The following NRG3 variants were observed in gnomAD, a reference collection of about 807,000 sequenced individuals.
NRG3 encodes the protein pro-neuregulin-3, membrane-bound isoform.
A neutral mutation model predicts 66.9 loss-of-function variants in NRG3; 31 were observed. The observed-to-expected ratio is 0.46, with a 90% CI of 0.35 to 0.63. NRG3 has a LOEUF of 0.63. Among genes scored for constraint, NRG3 ranks in the 20% least tolerant of loss-of-function variants. The pLI is 0.00. For synonymous variants in NRG3, 393 were observed against 359.4 expected, an observed-to-expected ratio of 1.09 and a Z score of -1.06; for missense variants, 910 against 878.9, an observed-to-expected ratio of 1.04 and a Z score of -0.45.
intron 3 of NRG3, among the ~76,000 whole-genome samples, chr10:82,831,124 G>C (rs1056897788): frequency 6.6e-6 from 1 of 152,120 alleles, no homozygotes; most frequent in African/African-American, 2.4e-5. Flanking sequence ...TCTAAGACTT[G>C]AGCTTAATTA....
intron 3 of NRG3, among the ~76,000 whole-genome samples, chr10:82,842,828 C>T (rs145632576): frequency 1.3e-5 from 2 of 152,328 alleles, no homozygotes; most frequent in African/African-American, 2.4e-5. Context: ...TCAAGTGATC[C>T]TCCTGCCTCA....
At chr10:82,670,664 A>C (rs1411760172) in intron 2 of NRG3, among the ~76,000 whole-genome samples, 1 of 152,178 alleles carries the variant, frequency 6.6e-6, no homozygotes, top group African/African-American at 2.4e-5. Flanking sequence ...CAGGACTCAC[A>C]AAACAGGTAT....
intron 5 of NRG3, among the ~76,000 whole-genome samples, chr10:82,952,942 A>T (rs1204948540): frequency 6.6e-6 from 1 of 152,016 alleles, no homozygotes; most frequent in Admixed American, 6.5e-5. Context: ...GTTTCTATAT[A>T]CCTTAGACCA....
chr10:82,880,694 G>C (rs1199206695), intron 4 of NRG3, among the ~76,000 whole-genome samples: 1 of 152,124 alleles, frequency 6.6e-6, no homozygotes, highest in Non-Finnish European at 1.5e-5. Flanking sequence ...GTATATCATG[G>C]GTAGGCTGGC....
At chr10:82,276,102 T>G (rs1297612069) in intron 1 of NRG3, among the ~76,000 whole-genome samples, 2 of 152,006 alleles carry the variant, frequency 1.3e-5, no homozygotes, top group African/African-American at 4.8e-5. Flanking sequence ...TAAGTTCGTT[T>G]TATTCATCAA....
intron 1 of NRG3, among the ~76,000 whole-genome samples, chr10:82,120,228 A>G (rs148952366): frequency 6.6e-6 from 1 of 152,182 alleles, no homozygotes; most frequent in African/African-American, 2.4e-5. Flanking sequence ...AAAAATGCTA[A>G]ATATACACCC....
intron 4 of NRG3, among the ~76,000 whole-genome samples, chr10:82,917,437 A>G (rs748096979): frequency 9.8e-5 from 15 of 152,356 alleles, no homozygotes; most frequent in South Asian, 6.2e-4. Flanking sequence ...TTTAAGGACA[A>G]TGCTTTCCTG....
At chr10:82,485,416 G>A (rs1198177436) in intron 2 of NRG3, among the ~76,000 whole-genome samples, 1 of 150,410 alleles carries the variant, frequency 6.6e-6, no homozygotes, top group African/African-American at 2.5e-5. Context: ...TACCAAGAAA[G>A]CTTCTGCTTG....
In NRG3 at chr10:82,494,578, T is replaced by C. The variant is rs189686072; in HGVS notation, c.953+135710T>C. Among the ~76,000 whole-genome samples, 120 of 152,258 alleles carry C rather than the reference T, an allele frequency of 7.9e-4. 1 individual carries two copies. The highest frequency in any genetic ancestry group is 2.1e-3 in the Admixed American group (32 of 15,294). ...ATATATCAGAAAACATGATTTTTAA[T>C]AAATGTATCATCTAATATGCAAAGA... On this transcript the variant is annotated intron_variant, in intron 2 of 8. Coordinates refer to ENST00000372141, the MANE Select transcript of NRG3 (RefSeq NM_001010848.4).
At chr10:82,870,508 G>A (rs558946099) in intron 4 of NRG3, among the ~76,000 whole-genome samples, 29 of 152,124 alleles carry the variant, frequency 1.9e-4, no homozygotes, top group African/African-American at 3.9e-4. Context: ...AGAAACTGCC[G>A]AACTGAATTC....
intron 1 of NRG3, among the ~76,000 whole-genome samples, chr10:82,233,365 AAAAAC>A (rs561887883): frequency 2.0e-5 from 3 of 152,184 alleles, no homozygotes; most frequent in African/African-American, 2.4e-5. Flanking sequence ...ACTCCATCTC[AAAAAC>A]AAAACAAAAC....
At chr10:82,650,124 CAAACA>C (rs763852951) in intron 2 of NRG3, among the ~76,000 whole-genome samples, 46 of 152,128 alleles carry the variant, frequency 3.0e-4, no homozygotes, top group Non-Finnish European at 5.3e-4. Context: ...AACAACCAAA[CAAACA>C]AAAGTAATGT....
intron 1 of NRG3, among the ~76,000 whole-genome samples, chr10:82,265,345 T>C (rs1440714089): frequency 1.3e-5 from 2 of 152,130 alleles, no homozygotes; most frequent in Non-Finnish European, 2.9e-5. Flanking sequence ...TGTAAGGTAT[T>C]ATAATGATGG....
In NRG3 at chr10:81,911,606, T is replaced by G. The variant is rs1186718406; in HGVS notation, c.823+35443T>G. Among the ~76,000 whole-genome samples the G allele has an allele frequency of 2.5e-4, 32 of 129,014 alleles. 1 individual carries two copies. The highest frequency in any genetic ancestry group is 9.1e-4 in the African/African-American group (24 of 26,290). The allele number at this position is 129,014 out of a possible 152,430, so 84.6% of individuals were successfully genotyped here. A position where few individuals can be genotyped will look rare whatever the true frequency, so the allele number is the denominator to read the frequency against. ...CTTCACCCTCTAGCACAGACTTGTTTTTTTTTTTTTTTTTTTTTTTTTTGA... is the reference window on the plus strand; with the variant it reads ...CTTCACCCTCTAGCACAGACTTGTTGTTTTTTTTTTTTTTTTTTTTTTTGA... On this transcript the variant is annotated intron_variant, in intron 1 of 8. Transcript: ENST00000372141.
At position 82,573,684 on chromosome 10, in the gene NRG3, C is replaced by T. The variant is rs193091795; in HGVS notation, c.954-164893C>T. On this transcript the variant is annotated intron_variant, in intron 2 of 8. Transcript: ENST00000372141. ...AGTATCCACAGATAAAGCACCCTTA[C>T]CTTATGGAGTTCAAAGGCTAAAATG... 3.3e-5 allele frequency among the ~76,000 whole-genome samples: 5 copies of T among 151,808 alleles called. No homozygotes were observed. The South Asian group carries it at 6.2e-4, about 19-fold the overall frequency.
intron 2 of NRG3, among the ~76,000 whole-genome samples, chr10:82,588,973 T>C (rs1159307842): frequency 6.6e-6 from 1 of 152,174 alleles, no homozygotes; most frequent in Non-Finnish European, 1.5e-5. Context: ...TATATTAGCC[T>C]CAGATGTTGA....
chr10:82,483,065 T>C (rs1842412882), intron 2 of NRG3, among the ~76,000 whole-genome samples: 1 of 152,092 alleles, frequency 6.6e-6, no homozygotes, highest in Non-Finnish European at 1.5e-5. Flanking sequence ...TCAAAGTTTC[T>C]GTCCAGGAAA....
rs181699905 is a variant in NRG3 at position 82,828,440 on chromosome 10, C to T, written c.1028-36971C>T. On this transcript the variant is annotated intron_variant, in intron 3 of 8. Coordinates refer to ENST00000372141, the MANE Select transcript of NRG3 (RefSeq NM_001010848.4). ...GAGGAAACAGGCCAGGGAGGTTAAA[C>T]GACTTGTCCCAGGTACTGTGGCTGG... Among the ~76,000 whole-genome samples the T allele has an allele frequency of 2.6e-5, 4 of 152,210 alleles. No homozygotes were observed. The East Asian group carries it at 5.8e-4, about 22-fold the overall frequency.
At chr10:82,060,483 T>C (rs2064085451) in intron 1 of NRG3, among the ~76,000 whole-genome samples, 1 of 152,202 alleles carries the variant, frequency 6.6e-6, no homozygotes, top group East Asian at 1.9e-4. Flanking sequence ...AGTAGTAATT[T>C]TGGTGGTTAT....
Sources: allele counts gnomAD v4.1 joint callset (sites outside exome capture counted in the v4.1 genomes callset), GRCh38; gene constraint gnomAD v4.1.1; transcripts MANE v1.5; gene names NCBI Gene and HGNC (gene_info 2026-07-23, HGNC 2026-07-21).